TTC28: variants seen among roughly 807,000 people sequenced by gnomAD.
TTC28 encodes the protein tetratricopeptide repeat domain 28.
In TTC28, 61 loss-of-function variants were observed where a neutral mutation model predicts 198.0. The ratio of observed to expected loss-of-function variants is 0.31; its 90% CI spans 0.25 to 0.38. The LOEUF (loss-of-function observed/expected upper bound fraction) is 0.38. TTC28 is among the 10% of genes least tolerant of loss of function. TTC28 has a pLI of 1.00. For synonymous variants in TTC28, 1,171 were observed against 1,297.8 expected, an observed-to-expected ratio of 0.90 and a Z score of 2.10; for missense variants, 2,678 against 3,164.0, an observed-to-expected ratio of 0.85 and a Z score of 3.69.
At chr22:28,207,559 C>T (rs1169659245) in intron 5 of TTC28, among the ~76,000 whole-genome samples, 1 of 152,126 alleles carries the variant, frequency 6.6e-6, no homozygotes, top group African/African-American at 2.4e-5. Flanking sequence ...CTTACAGTTT[C>T]TTAACTATGT....
In TTC28 at chr22:28,092,678, T is replaced by C. The variant is rs1035420572; in HGVS notation, c.3932+1402A>G. On this transcript the variant is annotated intron_variant, in intron 12 of 22. Coordinates refer to ENST00000397906, the MANE Select transcript of TTC28 (RefSeq NM_001145418.2). Reference sequence around the variant, plus strand: ...TTCTGTCTGCCGAAGCAGCTTTGTATACCTCTGGTCTAATGTCTAACCTAG... The same window carrying C: ...TTCTGTCTGCCGAAGCAGCTTTGTACACCTCTGGTCTAATGTCTAACCTAG... 3.3e-5 allele frequency among the ~76,000 whole-genome samples: 5 copies of C among 152,246 alleles called. No homozygotes were observed. The East Asian group carries it at 9.6e-4, about 29-fold the overall frequency.
chr22:28,342,742 C>T (rs927211582), intron 2 of TTC28, among the ~76,000 whole-genome samples: 1 of 151,934 alleles, frequency 6.6e-6, no homozygotes, highest in Non-Finnish European at 1.5e-5. Context: ...TATCATAATT[C>T]TACCAAATAA....
At chr22:28,182,437 C>CAG (rs1461911030) in intron 5 of TTC28, among the ~76,000 whole-genome samples, 2 of 151,798 alleles carry the variant, frequency 1.3e-5, no homozygotes, top group South Asian at 2.1e-4. Flanking sequence ...TGAAGAAACT[C>CAG]AGAGAGAGAG....
intron 15 of TTC28, chr22:28,000,337 A>G (rs1937637115): frequency 2.0e-5 from 3 of 152,262 alleles, no homozygotes. Context: ...AAGTCATCAA[A>G]GCAGCCAAGA....
chr22:28,062,250 G>T (rs1940572386), intron 12 of TTC28, among the ~76,000 whole-genome samples: 1 of 151,710 alleles, frequency 6.6e-6, no homozygotes, highest in Admixed American at 6.6e-5. Flanking sequence ...AGTAGAGACG[G>T]GGGTTTCACC....
intron 12 of TTC28, among the ~76,000 whole-genome samples, chr22:28,051,697 CTT>C (rs1368724745): frequency 6.6e-6 from 1 of 152,214 alleles, no homozygotes; most frequent in East Asian, 1.9e-4. Flanking sequence ...CCAAACACAA[CTT>C]AAATGGTTAT....
chr22:28,406,811 T>C (rs570030978), intron 2 of TTC28, among the ~76,000 whole-genome samples: 1 of 152,052 alleles, frequency 6.6e-6, no homozygotes, highest in Non-Finnish European at 1.5e-5. Flanking sequence ...TCATATGGAG[T>C]TCCTCTCTAT....
intron 2 of TTC28, among the ~76,000 whole-genome samples, chr22:28,559,387 G>A (rs1021954640): frequency 6.6e-6 from 1 of 152,104 alleles, no homozygotes; most frequent in Admixed American, 6.6e-5. Context: ...TTACTCATTC[G>A]AGTACTATAG....
chr22:28,179,318 C>T (rs781282856), intron 5 of TTC28, among the ~76,000 whole-genome samples: 4 of 151,954 alleles, frequency 2.6e-5, no homozygotes. Flanking sequence ...TGCCACCATG[C>T]ACAGCTAATT....
chr22:28,090,658 G>A (rs907146589), intron 12 of TTC28, among the ~76,000 whole-genome samples: 5 of 152,212 alleles, frequency 3.3e-5, no homozygotes, highest in African/African-American at 4.8e-5. Flanking sequence ...ATATCCCTAC[G>A]ATATGAGCCT....
At chr22:28,653,743 C>G (rs576044949) in intron 1 of TTC28, among the ~76,000 whole-genome samples, 1 of 152,226 alleles carries the variant, frequency 6.6e-6, no homozygotes, top group African/African-American at 2.4e-5. Context: ...TTAACTCTAC[C>G]GATCTAATAA....
intron 3 of TTC28, among the ~76,000 whole-genome samples, chr22:28,301,036 A>G (rs1345461618): frequency 6.6e-6 from 1 of 152,216 alleles, no homozygotes; most frequent in Non-Finnish European, 1.5e-5. Flanking sequence ...TACACACAAA[A>G]GTCCATTTCA....
Position 28,537,297 on chromosome 22 carries a change from A to C in TTC28, c.381+92255T>G, listed in dbSNP as rs187544024. On this transcript the variant is annotated intron_variant, in intron 2 of 22. Coordinates refer to ENST00000397906, the MANE Select transcript of TTC28 (RefSeq NM_001145418.2). ...GACAGAGCCAGACTCCGTCTCAAAA[A>C]TAAAATAAAATAAAATAAAATAAAA... Among the ~76,000 whole-genome samples, 72 of 98,174 alleles carry C rather than the reference A, an allele frequency of 7.3e-4. No individual in the cohort carries two copies. The East Asian group carries it at 0.012, about 17-fold the overall frequency. The allele number at this position is 98,174 out of a possible 152,430, so 64.4% of individuals were successfully genotyped here. A position where few individuals can be genotyped will look rare whatever the true frequency, so the allele number is the denominator to read the frequency against.
intron 2 of TTC28, among the ~76,000 whole-genome samples, chr22:28,309,266 T>C (rs564649118): frequency 6.6e-6 from 1 of 152,332 alleles, no homozygotes; most frequent in Non-Finnish European, 1.5e-5. Context: ...GCATTCAATA[T>C]AATATTATTC....
At chr22:28,271,973 A>G (rs920782201) in intron 5 of TTC28, among the ~76,000 whole-genome samples, 1 of 152,084 alleles carries the variant, frequency 6.6e-6, no homozygotes, top group Non-Finnish European at 1.5e-5. Context: ...GTTATGTAAG[A>G]CATGCCTTTT....
intron 2 of TTC28, among the ~76,000 whole-genome samples, chr22:28,413,784 A>G (rs1413651638): frequency 6.6e-6 from 1 of 152,218 alleles, no homozygotes; most frequent in East Asian, 1.9e-4. Flanking sequence ...CACCAATGAC[A>G]TGGGCTGTGG....
chr22:28,024,833 C>T (rs956719035), intron 13 of TTC28, among the ~76,000 whole-genome samples: 6 of 152,190 alleles, frequency 3.9e-5, no homozygotes, highest in African/African-American at 1.4e-4. Context: ...GATCCTTGCC[C>T]AGAATAGTCA....
chr22:28,076,970 A>G (rs958324728), intron 12 of TTC28, among the ~76,000 whole-genome samples: 1 of 152,032 alleles, frequency 6.6e-6, no homozygotes, highest in Non-Finnish European at 1.5e-5. Context: ...TGAAAAGTGT[A>G]TTTTTATTTT....
chr22:28,049,919 G>C (rs954054475), intron 12 of TTC28, among the ~76,000 whole-genome samples: 1 of 152,098 alleles, frequency 6.6e-6, no homozygotes, highest in African/African-American at 2.4e-5. Flanking sequence ...CTGAAACAAA[G>C]TACCCATTCT....
Sources: allele counts gnomAD v4.1 joint callset (sites outside exome capture counted in the v4.1 genomes callset), GRCh38; gene constraint gnomAD v4.1.1; transcripts MANE v1.5; gene names NCBI Gene and HGNC (gene_info 2026-07-23, HGNC 2026-07-21).